Variants in LRMDA observed in about 807,000 individuals in gnomAD.
The protein encoded by LRMDA is leucine-rich melanocyte differentiation-associated protein.
A neutral mutation model predicts 29.8 loss-of-function variants in LRMDA; 18 were observed. The ratio of observed to expected loss-of-function variants is 0.60; its 90% CI spans 0.42 to 0.90. The LOEUF is 0.90. LRMDA is among the 40% of genes least tolerant of loss of function. The pLI is 0.00. For synonymous variants in LRMDA, 125 were observed against 109.4 expected (o/e 1.14, Z -0.89); for missense variants, 273 against 273.9 (o/e 1.00, Z 0.02).
intron 2 of LRMDA, among the ~76,000 whole-genome samples, chr10:75,931,610 A>G (rs1031526429): frequency 2.0e-5 from 3 of 152,178 alleles, no homozygotes; most frequent in African/African-American, 7.2e-5. Context: ...AAAATGCAAA[A>G]CCAGAATCTG....
intron 2 of LRMDA, among the ~76,000 whole-genome samples, chr10:75,656,863 G>A (rs1467094151): frequency 1.3e-5 from 2 of 152,206 alleles, no homozygotes; most frequent in Non-Finnish European, 2.9e-5. Flanking sequence ...AATCATCAAT[G>A]TGTTGTTGAC....
chr10:75,700,274 C>A (rs1444297406), intron 2 of LRMDA, among the ~76,000 whole-genome samples: 1 of 145,172 alleles, frequency 6.9e-6, no homozygotes, highest in Non-Finnish European at 1.5e-5. Context: ...TTTTTTTTAC[C>A]AAATATTAAA....
At chr10:75,686,974 A>G (rs1285672314) in intron 2 of LRMDA, among the ~76,000 whole-genome samples, 13 of 152,190 alleles carry the variant, frequency 8.5e-5, no homozygotes, top group Non-Finnish European at 2.9e-5. Flanking sequence ...TGTTTTGACC[A>G]TGAACCTTAC....
At chr10:76,287,918 A>G (rs1373733438) in intron 5 of LRMDA, among the ~76,000 whole-genome samples, 1 of 152,188 alleles carries the variant, frequency 6.6e-6, no homozygotes, top group East Asian at 1.9e-4. Context: ...AGAAATGACA[A>G]AGACCCAGAA....
At chr10:75,654,942 T>G (rs945276327) in intron 2 of LRMDA, among the ~76,000 whole-genome samples, 1 of 152,224 alleles carries the variant, frequency 6.6e-6, no homozygotes, top group Admixed American at 6.5e-5. Flanking sequence ...GCTCTAGTTT[T>G]TATGGACTTC....
At chr10:75,950,965 C>A (rs1362164035) in intron 2 of LRMDA, among the ~76,000 whole-genome samples, 1 of 152,202 alleles carries the variant, frequency 6.6e-6, no homozygotes, top group Non-Finnish European at 1.5e-5. Flanking sequence ...CCATGTGCCA[C>A]CACTTCCTGA....
intron 2 of LRMDA, among the ~76,000 whole-genome samples, chr10:75,574,655 T>A (rs1175432961): frequency 6.6e-6 from 1 of 152,022 alleles, no homozygotes; most frequent in Non-Finnish European, 1.5e-5. Flanking sequence ...TTACCAAGAG[T>A]CCTTAGCTCT....
At chr10:75,607,208 C>A (rs904573643) in intron 2 of LRMDA, among the ~76,000 whole-genome samples, 2 of 152,186 alleles carry the variant, frequency 1.3e-5, no homozygotes, top group African/African-American at 4.8e-5. Flanking sequence ...CATTTCAGAA[C>A]AGTCCTCTTG....
At chr10:76,010,424 T>G (rs1847756896) in intron 2 of LRMDA, among the ~76,000 whole-genome samples, 1 of 151,752 alleles carries the variant, frequency 6.6e-6, no homozygotes, top group Non-Finnish European at 1.5e-5. Context: ...GCAATTCTCC[T>G]GCCTCAGCCT....
At chr10:76,354,587 A>G (rs1841216559) in intron 6 of LRMDA, among the ~76,000 whole-genome samples, 1 of 152,160 alleles carries the variant, frequency 6.6e-6, no homozygotes, top group Non-Finnish European at 1.5e-5. Context: ...CTGCTTCCTA[A>G]CTAGTACTTT....
intron 4 of LRMDA, among the ~76,000 whole-genome samples, chr10:76,049,615 G>T (rs1428458413): frequency 6.6e-6 from 1 of 152,122 alleles, no homozygotes; most frequent in African/African-American, 2.4e-5. Context: ...CCATTCTATG[G>T]TCTGTAAGCA....
At chr10:76,473,014 T>G (rs140643177) in intron 6 of LRMDA, among the ~76,000 whole-genome samples, 31 of 151,788 alleles carry the variant, frequency 2.0e-4, no homozygotes, top group Admixed American at 1.9e-3. Context: ...TACTTCCCAA[T>G]TTATTCTCTG....
At chr10:76,380,991 GTAAT>G (rs1363857684) in intron 6 of LRMDA, among the ~76,000 whole-genome samples, 1 of 142,774 alleles carries the variant, frequency 7.0e-6, no homozygotes, top group Non-Finnish European at 1.5e-5. Context: ...GTATGTATTA[GTAAT>G]TAATTATTGT....
chr10:75,845,591 A>C (rs753265262), intron 2 of LRMDA, among the ~76,000 whole-genome samples: 2 of 152,250 alleles, frequency 1.3e-5, no homozygotes, highest in Admixed American at 1.3e-4. Context: ...GGAGAAGTCC[A>C]GGATGCCAGG....
intron 2 of LRMDA, among the ~76,000 whole-genome samples, chr10:76,032,202 G>T (rs1848160660): frequency 6.6e-6 from 1 of 152,204 alleles, no homozygotes; most frequent in African/African-American, 2.4e-5. Context: ...GGGAAAGGAT[G>T]AAGGTCACTG....
intron 6 of LRMDA, among the ~76,000 whole-genome samples, chr10:76,556,068 AGC>A: frequency 6.6e-6 from 1 of 152,220 alleles, no homozygotes; most frequent in South Asian, 2.1e-4. Flanking sequence ...AATCCTACAG[AGC>A]TTTCATAATA....
chr10:75,691,066 A>C (rs1338639927), intron 2 of LRMDA, among the ~76,000 whole-genome samples: 4 of 127,190 alleles, frequency 3.1e-5, no homozygotes, highest in African/African-American at 1.4e-4. Flanking sequence ...TATATCTGCC[A>C]TAGATATATA....
At chr10:76,050,871 A>G (rs764746002) in intron 4 of LRMDA, among the ~76,000 whole-genome samples, 1 of 152,140 alleles carries the variant, frequency 6.6e-6, no homozygotes, top group Non-Finnish European at 1.5e-5. Context: ...TCTGGACTTC[A>G]CCTTTCAAAT....
chr10:76,052,867 T>C lies in LRMDA; in HGVS notation c.398+5564T>C, dbSNP rs541276265. 2.4e-3 allele frequency among the ~76,000 whole-genome samples: 370 copies of C among 151,284 alleles called. 3 individuals carry two copies. Among genetic ancestry groups the C allele is most frequent in the African/African-American group, 7.5e-3 (309 of 41,278 alleles). On this transcript the variant is annotated intron_variant, in intron 4 of 6. Transcript: ENST00000611255. ...ACCCCCAGCCTTGGGGGCTTTCCCCTAGCCACCTTGAGAAGGTCAGGAAAA... is the reference window on the plus strand; with the variant it reads ...ACCCCCAGCCTTGGGGGCTTTCCCCCAGCCACCTTGAGAAGGTCAGGAAAA...
Sources: allele counts gnomAD v4.1 joint callset (sites outside exome capture counted in the v4.1 genomes callset), GRCh38; gene constraint gnomAD v4.1.1; transcripts MANE v1.5; gene names NCBI Gene and HGNC (gene_info 2026-07-23, HGNC 2026-07-21).